The following UMODL1 variants were observed in gnomAD, a reference collection of about 807,000 sequenced individuals.
The protein encoded by UMODL1 is uromodulin like 1.
UMODL1 carries 128 observed loss-of-function variants against 136.3 expected under a neutral mutation model. The ratio of observed to expected loss-of-function variants is 0.94; its 90% CI spans 0.81 to 1.09. The LOEUF (loss-of-function observed/expected upper bound fraction) is 1.09, where lower values mean the gene tolerates loss of function less well. UMODL1 is among the 50% of genes least tolerant of loss of function. The pLI, the probability that UMODL1 is intolerant of heterozygous loss-of-function variation, is 0.00. For synonymous variants in UMODL1, 721 were observed against 720.0 expected, an observed-to-expected ratio of 1.00 and a Z score of -0.02; for missense variants, 1,766 against 1,725.6, an observed-to-expected ratio of 1.02 and a Z score of -0.41.
intron 17 of UMODL1, 53 bp from the exon 18 acceptor site, chr21:42,126,292 C>T (rs958435369): frequency 2.4e-5 from 39 of 1,607,830 alleles, no homozygotes; most frequent in African/African-American, 2.1e-4. Context: ...CACAGCAGGG[C>T]GTGGGGGGCC....
Position 42,136,999 on chromosome 21 carries a change from G to T in UMODL1, c.3776-440G>T, listed in dbSNP as rs920317877. On this transcript the variant is annotated intron_variant, in intron 21 of 22. Transcript: ENST00000408910. ...TCTCAATCTCTTGACCTTGTGACCC[G>T]CCCGCCTCAGCCCCGCAAAGTGCTG... is the stretch of plus-strand genomic sequence containing the variant. Among the ~76,000 whole-genome samples, 3 of 152,072 alleles carry T rather than the reference G, an allele frequency of 2.0e-5. No homozygotes were observed. The South Asian group carries it at 6.2e-4, about 32-fold the overall frequency.
intron 16 of UMODL1, 144 bp downstream of exon 16, chr21:42,121,368 C>CAT (rs2066969922): frequency 1.4e-6 from 1 of 712,788 alleles, no homozygotes; most frequent in Admixed American, 3.0e-5. Flanking sequence ...TGTGGGTGCA[C>CAT]GTGTGTGTGT....
intron 14 of UMODL1, among the ~76,000 whole-genome samples, chr21:42,117,383 C>T (rs2066914376): frequency 6.6e-6 from 1 of 152,212 alleles, no homozygotes; most frequent in Non-Finnish European, 1.5e-5. Context: ...AATAGTGCTG[C>T]AATGCCCCTG....
intron 1 of UMODL1, among the ~76,000 whole-genome samples, chr21:42,064,012 T>A (rs2066163416): frequency 6.6e-6 from 1 of 152,090 alleles, no homozygotes; most frequent in South Asian, 2.1e-4. Flanking sequence ...TACATTAGGA[T>A]GTGTGTCAAT....
intron 14 of UMODL1, among the ~76,000 whole-genome samples, chr21:42,118,008 A>G (rs766074727): frequency 1.3e-5 from 2 of 152,204 alleles, no homozygotes. Flanking sequence ...TAGGATGTTA[A>G]GAGAAATTTC....
At chr21:42,137,928 G>A (rs1483048449) in intron 22 of UMODL1, among the ~76,000 whole-genome samples, 2 of 151,754 alleles carry the variant, frequency 1.3e-5, no homozygotes, top group Non-Finnish European at 2.9e-5. Flanking sequence ...GGCCCTTTAC[G>A]GAGCGTGCAG....
At position 42,104,019 on chromosome 21, in the gene UMODL1, C is replaced by A; in HGVS notation, c.1451C>A (p.Ala484Asp). ...TTTCCCATGGGCATCTCCACGCTGGCCCCCATACTCCAGCCCCTGTTGGCA... is the reference window on the plus strand; with the variant it reads ...TTTCCCATGGGCATCTCCACGCTGGACCCCATACTCCAGCCCCTGTTGGCA... ...PGFPMGISTL[A>D]PILQPLLAST... is the part of the protein sequence containing the mutation. The change falls in exon 9 of 23, where the codon GCC becomes GAC. Residue 484 changes from alanine (A) to aspartate (D), a missense_variant. Ala to Asp is a moderately radical substitution (Grantham distance 126). Coordinates refer to ENST00000408910, the MANE Select transcript of UMODL1 (RefSeq NM_001004416.3). 1 of 1,613,948 alleles carries A rather than the reference C, an allele frequency of 6.2e-7. No individual in the cohort carries two copies. The highest frequency in any genetic ancestry group is 8.5e-7 in the Non-Finnish European group (1 of 1,180,004).
rs1029018659 is a variant in UMODL1, at chr21:42,123,691, T to C, written c.3147+541T>C. On this transcript the variant is annotated intron_variant, in intron 17 of 22. Transcript: ENST00000408910. The surrounding 1 kb of genome is among the most constrained non-coding windows in gnomAD (Gnocchi z 4.4). ...GTGTGCGTGTGGGTGTGCATGCATG[T>C]ATGAATGTGTGAGTGTGTGAATGTG... Among the ~76,000 whole-genome samples, 1 of 152,038 alleles carries C rather than the reference T, an allele frequency of 6.6e-6. No homozygotes were observed. Among genetic ancestry groups the C allele is most frequent in the African/African-American group, 2.4e-5 (1 of 41,396 alleles).
Position 42,108,457 on chromosome 21 carries a change from C to T in UMODL1, c.1520-1105C>T, listed in dbSNP as rs148304938. The T allele has an allele frequency of 7.4e-3, 3,459 of 464,960 alleles. 19 individuals are homozygous for T. Among genetic ancestry groups the T allele is most frequent in the Middle Eastern group, 0.024 (74 of 3,054 alleles). 28.8% of individuals were successfully genotyped at this position (464,960 alleles called of 1,614,324 possible). On this transcript the variant is annotated intron_variant, in intron 9 of 22. Coordinates refer to ENST00000408910, the MANE Select transcript of UMODL1 (RefSeq NM_001004416.3). ...CCAGGGAAGCTGCTTCTGTGGAGAC[C>T]GCAGGAAGCACAACAGAAAAAAACC...
Position 42,111,115 on chromosome 21 carries a change from G to T in UMODL1, c.1893G>T (p.Glu631Asp). The stretch of plus-strand genomic sequence containing the variant: ...GGAACAACACAGGAAAAGGCGTGGA[G>T]CAGGAGGTGCCCAGCACTGCCCCGG... Reference protein sequence around the residue: ...YDRNNTGKGVEQELQGNSIME... With the variant: ...YDRNNTGKGVDQELQGNSIME... Residue 631 changes from glutamate (E) to aspartate (D), a missense_variant, in exon 11 of 23, where the codon GAG becomes GAT. Coordinates refer to ENST00000408910, the MANE Select transcript of UMODL1 (RefSeq NM_001004416.3). The T allele has an allele frequency of 6.2e-7, 1 of 1,608,946 alleles. No homozygotes were observed. Among genetic ancestry groups the T allele is most frequent in the Non-Finnish European group, 8.5e-7 (1 of 1,178,002 alleles).
chr21:42,066,326 A>T (rs1254697802), upstream of UMODL1, among the ~76,000 whole-genome samples: 8 of 152,208 alleles, frequency 5.3e-5, no homozygotes, highest in East Asian at 1.5e-3. Flanking sequence ...TCTGTCGCCC[A>T]GGCTGGAGTG....
intron 21 of UMODL1, among the ~76,000 whole-genome samples, chr21:42,134,618 AATTT>A (rs1381111728): frequency 2.0e-5 from 3 of 151,820 alleles, no homozygotes; most frequent in South Asian, 2.1e-4. Flanking sequence ...TTAGTTAATT[AATTT>A]ATTTATTTTT....
chr21:42,090,761 C>T (rs568434208), intron 6 of UMODL1, among the ~76,000 whole-genome samples: 1 of 152,270 alleles, frequency 6.6e-6, no homozygotes, highest in East Asian at 1.9e-4. Flanking sequence ...AAGTTGTTGG[C>T]CGACGATTCA....
chr21:42,119,937 C>T (rs220148), intron 15 of UMODL1, among the ~76,000 whole-genome samples: 2 of 152,124 alleles, frequency 1.3e-5, no homozygotes, highest in African/African-American at 2.4e-5. Context: ...ACCATTTTAA[C>T]GCAAAGTAAA....
intron 3 of UMODL1, 26 bp downstream of exon 3, chr21:42,084,271 G>A: frequency 6.2e-7 from 1 of 1,609,868 alleles, no homozygotes; most frequent in Middle Eastern, 1.7e-4. Context: ...CCATGCTTAT[G>A]GACAGGCAGC....
chr21:42,093,901 G>A (rs551354396), intron 6 of UMODL1: 7 of 456,524 alleles, frequency 1.5e-5, no homozygotes, highest in South Asian at 9.3e-5. Context: ...TTAGAACTTC[G>A]CGCCACGTCC....
exon 1 of UMODL1, chr21:42,062,981 C>A (rs1471744555): frequency 6.6e-6 from 1 of 152,266 alleles, no homozygotes; most frequent in East Asian, 1.9e-4. Flanking sequence ...CTGGAGGCTG[C>A]GAGGGAGAAA....
intron 15 of UMODL1, 95 bp downstream of exon 15, chr21:42,119,419 G>T: frequency 2.7e-6 from 3 of 1,114,092 alleles, no homozygotes; most frequent in African/African-American, 1.5e-5. Flanking sequence ...ATGTCGTGTT[G>T]TGCCCATGTG....
chr21:42,114,237 C>CA (rs1192360156), intron 13 of UMODL1, among the ~76,000 whole-genome samples: 3 of 152,212 alleles, frequency 2.0e-5, no homozygotes, highest in Non-Finnish European at 4.4e-5. Context: ...AATCGGCAGT[C>CA]ACATGGATGA....
Sources: allele counts gnomAD v4.1 joint callset (sites outside exome capture counted in the v4.1 genomes callset), GRCh38; gene constraint gnomAD v4.1.1; non-coding constraint Gnocchi (gnomAD v3.1); transcripts MANE v1.5; gene names NCBI Gene and HGNC (gene_info 2026-07-23, HGNC 2026-07-21).